ARID4B: variants seen among roughly 807,000 people sequenced by gnomAD.
The protein encoded by ARID4B is AT-rich interaction domain 4B, also known as AT-rich interactive domain-containing protein 4B.
A neutral mutation model predicts 147.5 loss-of-function variants in ARID4B; 26 were observed. That is an observed-to-expected ratio of 0.18 (90% CI 0.13 to 0.24). The LOEUF is 0.24. Ranked by LOEUF, ARID4B falls within the 10% of genes least tolerant of loss-of-function variation. ARID4B has a pLI of 1.00. For synonymous variants in ARID4B, 512 were observed against 507.9 expected (o/e 1.01, Z -0.11); for missense variants, 1,179 against 1,511.5 (o/e 0.78, Z 3.65).
rs61523974 is a variant in ARID4B, at chr1:235,312,284, CAAAGA to C, written c.6+14625_6+14629del. On this transcript the variant is annotated intron_variant, in intron 2 of 23. Coordinates refer to ENST00000264183, the MANE Select transcript of ARID4B (RefSeq NM_016374.6). Reference sequence around the variant, plus strand: ...CTGGTGACAGAGCGACAGTCCGTCTCAAAGAAAAGAAAAGAAAAGAAAATTACGAA... The same window carrying C: ...CTGGTGACAGAGCGACAGTCCGTCTCAAAGAAAAGAAAAGAAAATTACGAA... Among the ~76,000 whole-genome samples, 38 of 151,542 alleles carry C rather than the reference CAAAGA, an allele frequency of 2.5e-4. No individual in the cohort carries two copies. In the East Asian group the frequency reaches 3.9e-3, roughly 15 times the overall value.
intron 10 of ARID4B, among the ~76,000 whole-genome samples, chr1:235,230,251 T>C (rs1467833323): frequency 6.6e-6 from 1 of 151,536 alleles, no homozygotes; most frequent in African/African-American, 2.4e-5. Flanking sequence ...CTGTCTCTAC[T>C]AAAAACACAA....
rs560839459 is a variant in ARID4B at position 235,264,076 on chromosome 1, C to G, written c.7-3324G>C. 9.9e-5 allele frequency among the ~76,000 whole-genome samples: 15 copies of G among 152,242 alleles called. No individual in the cohort carries two copies. The South Asian group carries it at 2.9e-3, about 29-fold the overall frequency. ...ACACATCATCAGAGCAGTGTTAATTCGTTAGAAAGAGCACAGAAAAAGCAG... is the reference window on the plus strand; with the variant it reads ...ACACATCATCAGAGCAGTGTTAATTGGTTAGAAAGAGCACAGAAAAAGCAG... On this transcript the variant is annotated intron_variant, in intron 2 of 23. Transcript: ENST00000264183.
intron 2 of ARID4B, among the ~76,000 whole-genome samples, chr1:235,283,998 A>G (rs1465236292): frequency 6.6e-6 from 1 of 151,968 alleles, no homozygotes; most frequent in African/African-American, 2.4e-5. Flanking sequence ...CGGCCTCCCA[A>G]AGTGTTAGGA....
chr1:235,255,561 G>A (rs1175868847), intron 5 of ARID4B, 99 bp downstream of exon 5: 1 of 687,998 alleles, frequency 1.5e-6, no homozygotes, highest in Non-Finnish European at 2.4e-6. Flanking sequence ...ATAATATCTA[G>A]GGTATTAAGA....
At chr1:235,296,848 GGGAGGGA>G (rs1558289384) in intron 2 of ARID4B, among the ~76,000 whole-genome samples, 18 of 10,178 alleles carry the variant, frequency 1.8e-3, no homozygotes, top group East Asian at 0.021. Flanking sequence ...GGAGGAAGGA[GGGAGGGA>G]AGGAAGGGAG....
At chr1:235,266,702 A>G (rs1002386840) in intron 2 of ARID4B, among the ~76,000 whole-genome samples, 8 of 152,256 alleles carry the variant, frequency 5.3e-5, no homozygotes, top group Non-Finnish European at 1.0e-4. Context: ...GAAGTGCACA[A>G]ATGAATCAAC....
At position 235,252,762 on chromosome 1, in the gene ARID4B, G is replaced by A. The variant is rs199550542; in HGVS notation, c.322C>T (p.Leu108=). ...TCAGCAAAATGCCTCTCTCCTTTCA[G>A]GCACAGTGAAGATCGTCTCAGTGTC... ...EKTLRRSSLC[L]KGERHFAESE... is the part of the protein sequence containing the mutation. The change falls in exon 6 of 24, where the codon CTG becomes TTG. Residue 108 remains leucine (L), a synonymous_variant. Transcript: ENST00000264183. The A allele has an allele frequency of 3.2e-5, 52 of 1,610,668 alleles. No individual in the cohort carries two copies. The highest frequency in any genetic ancestry group is 4.2e-5 in the Non-Finnish European group (50 of 1,178,384).
At chr1:235,268,055 T>C (rs989924726) in intron 2 of ARID4B, among the ~76,000 whole-genome samples, 1 of 152,054 alleles carries the variant, frequency 6.6e-6, no homozygotes, top group African/African-American at 2.4e-5. Context: ...AAGCTGAATA[T>C]ACAAGGCAGT....
At chr1:235,302,935 C>CTTCTTTT (rs1673285441) in intron 2 of ARID4B, among the ~76,000 whole-genome samples, 1 of 149,860 alleles carries the variant, frequency 6.7e-6, no homozygotes, top group South Asian at 2.1e-4. Flanking sequence ...TTCTTTTTTT[C>CTTCTTTT]TTTTTTTTGA....
intron 2 of ARID4B, among the ~76,000 whole-genome samples, chr1:235,315,286 G>A (rs1423404422): frequency 6.6e-6 from 1 of 152,156 alleles, no homozygotes; most frequent in Non-Finnish European, 1.5e-5. Flanking sequence ...ATTTAGCGAG[G>A]CATGGTGGTG....
At chr1:235,286,060 G>GTTTTTTTTT (rs59183748) in intron 2 of ARID4B, among the ~76,000 whole-genome samples, 5,261 of 151,434 alleles carry the variant, frequency 0.035, 342 homozygotes, top group African/African-American at 0.12. Context: ...GTTTTGTTTT[G>GTTTTTTTTT]TTTTGAGATA....
chr1:235,273,144 T>C (rs1671099013), intron 2 of ARID4B, among the ~76,000 whole-genome samples: 1 of 152,174 alleles, frequency 6.6e-6, no homozygotes, highest in African/African-American at 2.4e-5. Context: ...TTCAAGTGAT[T>C]CTCCTGCCTC....
At chr1:235,229,120 T>C in intron 11 of ARID4B, 111 bp downstream of exon 11, 1 of 1,233,078 alleles carries the variant, frequency 8.1e-7, no homozygotes, top group Non-Finnish European at 1.1e-6. Flanking sequence ...ATGAAATATT[T>C]CTCATACTAA....
intron 5 of ARID4B, among the ~76,000 whole-genome samples, chr1:235,255,219 C>CTATATATATAGATAGA (rs370660682): frequency 1.6e-5 from 2 of 127,566 alleles, no homozygotes; most frequent in Non-Finnish European, 1.7e-5. Flanking sequence ...CTGCTGGGAG[C>CTATATATATAGATAGA]TAGATAGATA....
chr1:235,175,546 G>T, intron 21 of ARID4B, 147 bp from the exon 22 acceptor site: 1 of 648,102 alleles, frequency 1.5e-6, no homozygotes, highest in Non-Finnish European at 2.6e-6. Context: ...TACAAATGCA[G>T]CAGCATCTTA....
chr1:235,182,222 T>G lies in ARID4B; in HGVS notation c.2697A>C (p.Ser899=), dbSNP rs762008718. 5 of 1,613,526 alleles carry G rather than the reference T, an allele frequency of 3.1e-6. No homozygotes were observed. The highest frequency in any genetic ancestry group is 4.2e-6 in the Non-Finnish European group (5 of 1,179,900). Reference sequence around the variant, plus strand: ...GTTTAATCCTTTTTTCTGCCACTTCTGAAAATCCTGAATAGAAACCAGTTG... The same window carrying G: ...GTTTAATCCTTTTTTCTGCCACTTCGGAAAATCCTGAATAGAAACCAGTTG... The part of the protein sequence containing the change: ...LRTTGFYSGF[S]EVAEKRIKLL... Residue 899 remains serine, a synonymous_variant, in exon 20 of 24, where the codon TCA becomes TCC. Coordinates refer to ENST00000264183, the MANE Select transcript of ARID4B (RefSeq NM_016374.6).
chr1:235,296,621 C>T (rs1322907566), intron 2 of ARID4B, among the ~76,000 whole-genome samples: 1 of 151,544 alleles, frequency 6.6e-6, no homozygotes, highest in Non-Finnish European at 1.5e-5. Flanking sequence ...CCATGCCTGG[C>T]TAATTTTTTT....
intron 1 of ARID4B, chr1:235,327,199 CG>C: frequency 5.0e-6 from 2 of 400,038 alleles, no homozygotes; most frequent in Admixed American, 4.2e-5. Context: ...CGAGACCCGA[CG>C]GAGTTTCCCG....
chr1:235,197,908 T>G (rs529362059), intron 17 of ARID4B, among the ~76,000 whole-genome samples: 1 of 152,290 alleles, frequency 6.6e-6, no homozygotes, highest in Admixed American at 6.5e-5. Flanking sequence ...CCTATTAATA[T>G]CGAAAATTGT....
Sources: allele counts gnomAD v4.1 joint callset (sites outside exome capture counted in the v4.1 genomes callset), GRCh38; gene constraint gnomAD v4.1.1; transcripts MANE v1.5; gene names NCBI Gene and HGNC (gene_info 2026-07-23, HGNC 2026-07-21).